CSNK2A2IP: variants seen among roughly 807,000 people sequenced by gnomAD.
The protein encoded by CSNK2A2IP is casein kinase II subunit alpha'-interacting protein.
At chr3:88,448,431 A>T in the CSNK2A2IP span, among the ~76,000 whole-genome samples, 1 of 152,180 alleles carries the variant, frequency 6.6e-6, no homozygotes. Flanking sequence ...AATTTGTCCT[A>T]GGTAACCCCT....
chr3:88,351,891 A>T, the CSNK2A2IP span, among the ~76,000 whole-genome samples: 1 of 152,108 alleles, frequency 6.6e-6, no homozygotes, highest in South Asian at 2.1e-4. Context: ...TTCAGAGTTC[A>T]TCATTTATAA....
chr3:88,429,687 C>A, the CSNK2A2IP span, among the ~76,000 whole-genome samples: 3 of 152,060 alleles, frequency 2.0e-5, no homozygotes, highest in African/African-American at 7.2e-5. Flanking sequence ...ACCCTTCAGA[C>A]CTTGGTATTC....
At chr3:88,459,256 C>T in the CSNK2A2IP span, among the ~76,000 whole-genome samples, 2 of 151,950 alleles carry the variant, frequency 1.3e-5, no homozygotes, top group African/African-American at 4.8e-5. Context: ...TTTCAAGCAC[C>T]CTCTCATATT....
chr3:88,365,884 A>G, the CSNK2A2IP span, among the ~76,000 whole-genome samples: 1 of 152,100 alleles, frequency 6.6e-6, no homozygotes, highest in Non-Finnish European at 1.5e-5. Context: ...CTGTAATACC[A>G]TTTTAACTCA....
the CSNK2A2IP span, chr3:88,431,434 A>G: frequency 5.8e-3 from 887 of 152,330 alleles, 7 homozygotes; most frequent in African/African-American, 0.02. Context: ...GAATGACACA[A>G]TGGACTTTGG....
chr3:88,349,901 G>C, the CSNK2A2IP span, among the ~76,000 whole-genome samples: 11 of 151,980 alleles, frequency 7.2e-5, no homozygotes, highest in Non-Finnish European at 1.6e-4. Flanking sequence ...GTGATGTTGA[G>C]CAGAAAATGG....
chr3:88,456,483 T>C, the CSNK2A2IP span, among the ~76,000 whole-genome samples: 1 of 152,032 alleles, frequency 6.6e-6, no homozygotes, highest in African/African-American at 2.4e-5. Flanking sequence ...TTTCTTTATT[T>C]CTTTTTTTGG....
At chr3:88,352,829 G>T in the CSNK2A2IP span, among the ~76,000 whole-genome samples, 1 of 152,090 alleles carries the variant, frequency 6.6e-6, no homozygotes, top group Non-Finnish European at 1.5e-5. Flanking sequence ...TACAGGGTGA[G>T]TTCAAATTAG....
At chr3:88,375,013 T>C in the CSNK2A2IP span, among the ~76,000 whole-genome samples, 3 of 151,692 alleles carry the variant, frequency 2.0e-5, no homozygotes, top group Admixed American at 6.6e-5. Flanking sequence ...ACCTCATGCA[T>C]AAAATTACCG....
the CSNK2A2IP span, among the ~76,000 whole-genome samples, chr3:88,461,232 G>T: frequency 6.6e-6 from 1 of 151,984 alleles, no homozygotes; most frequent in Non-Finnish European, 1.5e-5. Context: ...TTACAGTTTG[G>T]AATATAAACT....
chr3:88,445,275 C>CAAAAAAAAAAAAAAAAAAAAAA, the CSNK2A2IP span, among the ~76,000 whole-genome samples: 24 of 47,770 alleles, frequency 5.0e-4, 2 homozygotes, highest in Non-Finnish European at 8.6e-4. Context: ...GTAAAAATAC[C>CAAAAAAAAAAAAAAAAAAAAAA]AAAAAAAAAA....
At chr3:88,363,280 A>G in the CSNK2A2IP span, among the ~76,000 whole-genome samples, 1 of 151,934 alleles carries the variant, frequency 6.6e-6, no homozygotes, top group Non-Finnish European at 1.5e-5. Flanking sequence ...AATATTTCCT[A>G]TACTTATATT....
chr3:88,384,298 G>A, the CSNK2A2IP span, among the ~76,000 whole-genome samples: 14 of 151,910 alleles, frequency 9.2e-5, no homozygotes, highest in Admixed American at 7.2e-4. Context: ...CTTTTTGATT[G>A]GGTGGTAAGG....
the CSNK2A2IP span, among the ~76,000 whole-genome samples, chr3:88,453,959 A>G: frequency 6.6e-6 from 1 of 152,044 alleles, no homozygotes; most frequent in South Asian, 2.1e-4. Context: ...AAAGGAGTGG[A>G]ATGGCTAGAT....
chr3:88,405,529 T>A, the CSNK2A2IP span, among the ~76,000 whole-genome samples: 1 of 152,132 alleles, frequency 6.6e-6, no homozygotes, highest in African/African-American at 2.4e-5. Context: ...TACAGAGCCC[T>A]CTCTTTGGCT....
the CSNK2A2IP span, among the ~76,000 whole-genome samples, chr3:88,378,365 C>T: frequency 6.6e-6 from 1 of 151,686 alleles, no homozygotes; most frequent in Non-Finnish European, 1.5e-5. Flanking sequence ...CTGTCTTTTC[C>T]ACTCACGAAG....
chr3:88,393,510 TA>T, the CSNK2A2IP span, among the ~76,000 whole-genome samples: 2 of 152,198 alleles, frequency 1.3e-5, no homozygotes, highest in African/African-American at 4.8e-5. Context: ...TCGATATAGA[TA>T]AATGGATGTG....
At chr3:88,379,966 C>A in the CSNK2A2IP span, among the ~76,000 whole-genome samples, 2 of 151,978 alleles carry the variant, frequency 1.3e-5, no homozygotes, top group Non-Finnish European at 2.9e-5. Context: ...TTTATTATGG[C>A]CACTATATTA....
chr3:88,421,044 T>C, the CSNK2A2IP span, among the ~76,000 whole-genome samples: 1 of 152,206 alleles, frequency 6.6e-6, no homozygotes, highest in Non-Finnish European at 1.5e-5. Flanking sequence ...TTTCTCATTA[T>C]CATGTCCTTT....
Sources: allele counts gnomAD v4.1 joint callset (sites outside exome capture counted in the v4.1 genomes callset), GRCh38; gene constraint gnomAD v4.1.1; transcripts MANE v1.5; gene names NCBI Gene and HGNC (gene_info 2026-07-23, HGNC 2026-07-21).